DIAPH2: variants seen among roughly 807,000 people sequenced by gnomAD.
DIAPH2 encodes diaphanous related formin 2, also known as protein diaphanous homolog 2.
In DIAPH2, 35 loss-of-function variants were observed where a neutral mutation model predicts 92.7. The observed-to-expected ratio is 0.38, with a 90% confidence interval of 0.29 to 0.50. The LOEUF is 0.50. Among genes scored for constraint, DIAPH2 ranks in the 20% least tolerant of loss-of-function variants. The probability of loss-of-function intolerance (pLI) is 0.94; values close to 1 mark genes in which losing one functional copy is unlikely to be tolerated. For missense variants in DIAPH2, 701 were observed against 819.5 expected, an observed-to-expected ratio of 0.86 and a Z score of 1.77; for synonymous variants, 301 against 280.4, an observed-to-expected ratio of 1.07 and a Z score of -0.73.
At chrX:96,840,885 T>TTA (rs1209819142) in intron 4 of DIAPH2, among the ~76,000 whole-genome samples, 2 of 111,769 alleles carry the variant, frequency 1.8e-5, no homozygotes, top group African/African-American at 6.5e-5. Context: ...AGTGCTGGGA[T>TTA]TACAGGCGTG....
chrX:97,425,436 T>A (rs752950295), intron 25 of DIAPH2, among the ~76,000 whole-genome samples: 1 of 111,582 alleles, frequency 9.0e-6, no homozygotes, highest in East Asian at 2.8e-4. Flanking sequence ...AATGGTGACA[T>A]ATGTTAAACA....
At chrX:96,792,356 T>C (rs759663940) in intron 4 of DIAPH2, among the ~76,000 whole-genome samples, 1 of 111,528 alleles carries the variant, frequency 9.0e-6, no homozygotes. Context: ...TCCTTTGTTG[T>C]TTTTAGTGTC....
At position 96,922,931 on chromosome X, in the gene DIAPH2, A is replaced by C. The variant is rs140985213; in HGVS notation, c.978+4314A>C. On this transcript the variant is annotated intron_variant, in intron 9 of 26. Transcript: ENST00000324765. ...TCATAAATTATCTTTGCTGATAGAG[A>C]AGCAGTACTATGGTAGGATGAGAGG... Among the ~76,000 whole-genome samples the C allele has an allele frequency of 5.4e-3, 603 of 111,305 alleles. 5 individuals carry two copies. Among genetic ancestry groups the C allele is most frequent in the Non-Finnish European group, 8.0e-3 (423 of 53,015 alleles).
chrX:97,496,256 A>G (rs1371214726), intron 26 of DIAPH2, among the ~76,000 whole-genome samples: 1 of 97,766 alleles, frequency 1.0e-5, no homozygotes, highest in Non-Finnish European at 2.0e-5. Flanking sequence ...GCTCACCACA[A>G]CCTCCATCTC....
Position 97,603,089 on chromosome X carries a change from C to T in DIAPH2, c.*3772C>T, listed in dbSNP as rs2071604157. ...TAGCCAAAGGTTGTCAAGACACACC[C>T]TTGGGCTTATCTACAGAGCACACTT... On this transcript the variant is annotated 3_prime_UTR_variant, in exon 27 of 27. Coordinates refer to ENST00000324765, the MANE Select transcript of DIAPH2 (RefSeq NM_006729.5). 9.1e-6 allele frequency: 1 copy of T among 109,627 alleles called. No homozygotes were observed. Among genetic ancestry groups the T allele is most frequent in the Non-Finnish European group, 1.9e-5 (1 of 52,756 alleles). The allele number at this position is 109,627 out of a possible 1,213,427, so 9.0% of individuals were successfully genotyped here. A position where few individuals can be genotyped will look rare whatever the true frequency, so the allele number is the denominator to read the frequency against.
intron 26 of DIAPH2, among the ~76,000 whole-genome samples, chrX:97,438,105 A>T (rs2070207357): frequency 9.6e-6 from 1 of 104,021 alleles, no homozygotes; most frequent in African/African-American, 3.5e-5. Context: ...TGGGCAACAT[A>T]GTGAGACCCT....
At position 97,504,439 on chromosome X, in the gene DIAPH2, T is replaced by C. The variant is rs141162468; in HGVS notation, c.3241+74694T>C. 6.6e-4 allele frequency among the ~76,000 whole-genome samples: 74 copies of C among 112,879 alleles called. 1 individual carries two copies. The highest frequency in any genetic ancestry group is 2.3e-3 in the African/African-American group (72 of 31,181). On this transcript the variant is annotated intron_variant, in intron 26 of 26. Coordinates refer to ENST00000324765, the MANE Select transcript of DIAPH2 (RefSeq NM_006729.5). ...CAATTATGCTTTTAAAAGTATATAT[T>C]ATGTAAATAGATTATTTTACCTTCT...
chrX:97,491,750 GTTGA>G (rs762249729), intron 26 of DIAPH2, among the ~76,000 whole-genome samples: 222 of 112,050 alleles, frequency 2.0e-3, no homozygotes, highest in African/African-American at 6.7e-3. Flanking sequence ...TTGCCCTTTT[GTTGA>G]TTGTTTTCTG....
In DIAPH2 at chrX:97,134,215, G is replaced by T. The variant is rs1359568671; in HGVS notation, c.2590-7450G>T. ...ATACTGTTTGTCTCATCTACTTTTGGATAGGTAGCTGATAGGTTATGATAC... is the reference window on the plus strand; with the variant it reads ...ATACTGTTTGTCTCATCTACTTTTGTATAGGTAGCTGATAGGTTATGATAC... On this transcript the variant is annotated intron_variant, in intron 21 of 26. Coordinates refer to ENST00000324765, the MANE Select transcript of DIAPH2 (RefSeq NM_006729.5). Among the ~76,000 whole-genome samples the T allele has an allele frequency of 3.6e-5, 4 of 111,777 alleles. No homozygotes were observed. In the Admixed American group the frequency reaches 3.8e-4, roughly 11 times the overall value.
intron 26 of DIAPH2, among the ~76,000 whole-genome samples, chrX:97,472,529 G>A (rs1293660494): frequency 1.8e-5 from 2 of 112,565 alleles, no homozygotes; most frequent in African/African-American, 6.4e-5. Flanking sequence ...CAGGCCTTGT[G>A]TGGGTCACAC....
intron 1 of DIAPH2, 138 bp from the exon 2 acceptor site, chrX:96,735,619 TA>T (rs1263429677): frequency 1.4e-5 from 6 of 419,041 alleles, no homozygotes. Context: ...ATGTATTGTT[TA>T]TATGTTTGAA....
chrX:96,809,002 C>T (rs995901358), intron 4 of DIAPH2, among the ~76,000 whole-genome samples: 6 of 111,809 alleles, frequency 5.4e-5, no homozygotes, highest in Non-Finnish European at 1.1e-4. Flanking sequence ...ATTGCTTATG[C>T]ATATTTCACT....
chrX:97,458,460 C>A (rs763974677), intron 26 of DIAPH2, among the ~76,000 whole-genome samples: 8 of 110,166 alleles, frequency 7.3e-5, no homozygotes, highest in African/African-American at 2.6e-4. Flanking sequence ...ATATTTTGTT[C>A]ATTGCATCCC....
At chrX:97,215,272 A>G (rs1274836956) in intron 22 of DIAPH2, among the ~76,000 whole-genome samples, 1 of 111,433 alleles carries the variant, frequency 9.0e-6, no homozygotes, top group African/African-American at 3.3e-5. Context: ...TCAGCAGTTT[A>G]TTGCTTTAGA....
intron 5 of DIAPH2, among the ~76,000 whole-genome samples, chrX:96,892,729 AC>A (rs1425035269): frequency 2.6e-4 from 29 of 112,150 alleles, no homozygotes; most frequent in African/African-American, 8.7e-4. Context: ...AGAAAATGCT[AC>A]AGGCATTAGG....
chrX:96,894,620 G>A (rs1244948187), intron 5 of DIAPH2, among the ~76,000 whole-genome samples: 1 of 111,242 alleles, frequency 9.0e-6, no homozygotes, highest in Non-Finnish European at 1.9e-5. Context: ...TCAAGCTGGG[G>A]GTATTCTCTG....
intron 26 of DIAPH2, among the ~76,000 whole-genome samples, chrX:97,573,981 T>C (rs1474924681): frequency 8.9e-6 from 1 of 111,943 alleles, no homozygotes; most frequent in Non-Finnish European, 1.9e-5. Context: ...ATTTTGGTTA[T>C]TGAAGTAGAA....
At chrX:96,908,888 CG>C (rs2065451347) in intron 5 of DIAPH2, among the ~76,000 whole-genome samples, 1 of 111,899 alleles carries the variant, frequency 8.9e-6, no homozygotes, top group Non-Finnish European at 1.9e-5. Context: ...CGTGAGCCAC[CG>C]CTCCCGGCCC....
chrX:97,583,854 G>C (rs1007711365), intron 26 of DIAPH2, among the ~76,000 whole-genome samples: 4 of 111,969 alleles, frequency 3.6e-5, no homozygotes, highest in Non-Finnish European at 7.6e-5. Context: ...CTCCGAGCCA[G>C]GTGCGGGATA....
Sources: gnomAD v4.1 joint callset for allele counts (sites outside exome capture counted in the v4.1 genomes callset) on GRCh38, gnomAD v4.1.1 for gene constraint, MANE v1.5 for transcripts, NCBI Gene and HGNC (gene_info 2026-07-23, HGNC 2026-07-21) for gene names.